Variants in SYBU observed in about 807,000 individuals in gnomAD.
SYBU encodes syntabulin.
In SYBU, 21 loss-of-function variants were observed where a neutral mutation model predicts 35.9. The observed-to-expected ratio is 0.58, with a 90% CI of 0.41 to 0.84. The LOEUF (loss-of-function observed/expected upper bound fraction) is 0.84, where lower values mean the gene tolerates loss of function less well. SYBU is among the 40% of genes least tolerant of loss of function. The probability of loss-of-function intolerance (pLI) is 0.00; values close to 1 mark genes in which losing one functional copy is unlikely to be tolerated. For missense variants in SYBU, 768 were observed against 848.2 expected, an observed-to-expected ratio of 0.91 and a Z score of 1.17; for synonymous variants, 319 against 324.3, an observed-to-expected ratio of 0.98 and a Z score of 0.18.
intron 3 of SYBU, among the ~76,000 whole-genome samples, chr8:109,587,979 G>T (rs1168307127): frequency 6.6e-6 from 1 of 152,194 alleles, no homozygotes; most frequent in Non-Finnish European, 1.5e-5. Context: ...CAATCTGAAG[G>T]ATTCATGATT....
At chr8:109,664,632 G>A (rs1394897126) in intron 1 of SYBU, among the ~76,000 whole-genome samples, 1 of 152,114 alleles carries the variant, frequency 6.6e-6, no homozygotes, top group African/African-American at 2.4e-5. Flanking sequence ...ATTAGAAGAG[G>A]GAGAGTCCAC....
intron 3 of SYBU, among the ~76,000 whole-genome samples, chr8:109,612,772 G>GCCTCCCAGACC (rs1811318597): frequency 6.6e-6 from 1 of 152,150 alleles, no homozygotes; most frequent in Non-Finnish European, 1.5e-5. Flanking sequence ...CTGAGGTCTG[G>GCCTCCCAGACC]AGTTTGAGAC....
At chr8:109,675,953 G>C (rs992116375) in intron 1 of SYBU, among the ~76,000 whole-genome samples, 9 of 152,266 alleles carry the variant, frequency 5.9e-5, no homozygotes, top group African/African-American at 2.2e-4. Context: ...GATCAAGTTG[G>C]TTTCATCCCT....
chr8:109,604,464 T>C (rs1332394021), intron 3 of SYBU, among the ~76,000 whole-genome samples: 2 of 152,208 alleles, frequency 1.3e-5, no homozygotes, highest in South Asian at 2.1e-4. Context: ...TAGTTTATTG[T>C]TGTACCCAGT....
chr8:109,602,268 A>C (rs1302799412), intron 3 of SYBU, among the ~76,000 whole-genome samples: 1 of 152,162 alleles, frequency 6.6e-6, no homozygotes, highest in African/African-American at 2.4e-5. Flanking sequence ...TTGAGTGGAG[A>C]TACGTATGTT....
chr8:109,606,013 A>T (rs886973519), intron 3 of SYBU, among the ~76,000 whole-genome samples: 14 of 152,362 alleles, frequency 9.2e-5, no homozygotes, highest in Non-Finnish European at 1.8e-4. Flanking sequence ...TTTCATATAT[A>T]TACATACATA....
intron 1 of SYBU, among the ~76,000 whole-genome samples, chr8:109,669,930 T>C (rs1816916062): frequency 6.6e-6 from 1 of 152,228 alleles, no homozygotes; most frequent in African/African-American, 2.4e-5. Context: ...CACATTTATT[T>C]TCAGTATAAA....
At chr8:109,690,914 G>A (rs1587008591) in intron 1 of SYBU, among the ~76,000 whole-genome samples, 1 of 152,154 alleles carries the variant, frequency 6.6e-6, no homozygotes, top group East Asian at 1.9e-4. Context: ...GCTCAATGGA[G>A]GCTTCCTGGA....
chr8:109,664,284 T>C (rs1816679422), intron 1 of SYBU, among the ~76,000 whole-genome samples: 2 of 151,912 alleles, frequency 1.3e-5, no homozygotes, highest in South Asian at 4.2e-4. Flanking sequence ...TGGGGGAGGG[T>C]GTAGGTCATT....
At chr8:109,614,000 G>A (rs897657538) in intron 3 of SYBU, among the ~76,000 whole-genome samples, 1 of 152,224 alleles carries the variant, frequency 6.6e-6, no homozygotes, top group African/African-American at 2.4e-5. Context: ...ATGCTAAGGA[G>A]ATACAGTGAC....
At chr8:109,663,631 C>A (rs1487502807) in intron 1 of SYBU, among the ~76,000 whole-genome samples, 5 of 151,962 alleles carry the variant, frequency 3.3e-5, no homozygotes, top group Non-Finnish European at 7.4e-5. Context: ...TCTGGTGGTA[C>A]TTTATTATTC....
chr8:109,654,571 T>A (rs1348880995), intron 1 of SYBU, among the ~76,000 whole-genome samples: 1 of 152,212 alleles, frequency 6.6e-6, no homozygotes, highest in East Asian at 1.9e-4. Flanking sequence ...TATCTTTCTT[T>A]CCAATTGCTT....
chr8:109,604,551 T>C (rs1277658269), intron 3 of SYBU, among the ~76,000 whole-genome samples: 2 of 152,202 alleles, frequency 1.3e-5, no homozygotes, highest in African/African-American at 2.4e-5. Context: ...TTCAGTTCTT[T>C]TAAATGGTAG....
Position 109,579,798 on chromosome 8 carries a change from C to T in SYBU, c.734+1G>A, listed in dbSNP as rs752341511. The T allele has an allele frequency of 6.2e-7, 1 of 1,613,870 alleles. No individual in the cohort carries two copies. The highest frequency in any genetic ancestry group is 8.5e-7 in the Non-Finnish European group (1 of 1,179,812). ...GCATGAATTAGGTGAGCAGGACTCACCTCATGATGGGGCTACAGTCGCTTC... is the reference window on the plus strand; with the variant it reads ...GCATGAATTAGGTGAGCAGGACTCATCTCATGATGGGGCTACAGTCGCTTC... On this transcript the variant is annotated splice_donor_variant, in intron 5 of 6. Transcript: ENST00000276646. LOFTEE classifies it high-confidence loss of function.
intron 2 of SYBU, among the ~76,000 whole-genome samples, chr8:109,633,507 G>A (rs1813863457): frequency 6.6e-6 from 1 of 152,178 alleles, no homozygotes; most frequent in Non-Finnish European, 1.5e-5. Context: ...GTCTCCTGCT[G>A]GAGCCAGAGG....
intron 2 of SYBU, among the ~76,000 whole-genome samples, chr8:109,639,585 G>T (rs185646433): frequency 6.6e-6 from 1 of 152,206 alleles, no homozygotes; most frequent in Non-Finnish European, 1.5e-5. Flanking sequence ...AGCTAATACA[G>T]GAGGATTACT....
chr8:109,673,391 A>T (rs1295600267), intron 1 of SYBU, among the ~76,000 whole-genome samples: 1 of 152,198 alleles, frequency 6.6e-6, no homozygotes. Flanking sequence ...CCAGGCAAAC[A>T]GAGTCTGGAG....
chr8:109,645,629 T>G (rs1048498491), upstream of SYBU: 9 of 277,378 alleles, frequency 3.2e-5, no homozygotes, highest in East Asian at 2.6e-4. Context: ...TTGTTTCGTT[T>G]TTTGTTTTTT....
chr8:109,645,397 A>C, upstream of SYBU: 1 of 454,344 alleles, frequency 2.2e-6, no homozygotes, highest in Non-Finnish European at 4.4e-6. Flanking sequence ...AAAGGCCTTC[A>C]GTGGTCAGCG....
Sources: gnomAD v4.1 joint callset for allele counts (sites outside exome capture counted in the v4.1 genomes callset) on GRCh38, gnomAD v4.1.1 for gene constraint, MANE v1.5 for transcripts, NCBI Gene and HGNC (gene_info 2026-07-23, HGNC 2026-07-21) for gene names.